ST6GALNAC5: variants seen among roughly 807,000 people sequenced by gnomAD.
ST6GALNAC5 encodes the protein alpha-N-acetylgalactosaminide alpha-2,6-sialyltransferase 5.
A neutral mutation model predicts 33.6 loss-of-function variants in ST6GALNAC5; 27 were observed. The observed-to-expected ratio is 0.80, with a 90% CI of 0.59 to 1.11. The LOEUF is 1.11. Ranked by LOEUF, ST6GALNAC5 falls within the 50% of genes least tolerant of loss-of-function variation. The pLI is 0.00. For synonymous variants in ST6GALNAC5, 194 were observed against 171.2 expected (o/e 1.13, Z -1.04); for missense variants, 428 against 454.0 (o/e 0.94, Z 0.52).
chr1:76,993,909 G>C (rs1649828406), intron 2 of ST6GALNAC5, among the ~76,000 whole-genome samples: 1 of 151,054 alleles, frequency 6.6e-6, no homozygotes. Context: ...AACTTTGGTT[G>C]AAAAGGAAAA....
chr1:76,883,799 A>G (rs1653836848), intron 2 of ST6GALNAC5, among the ~76,000 whole-genome samples: 1 of 152,200 alleles, frequency 6.6e-6, no homozygotes, highest in Non-Finnish European at 1.5e-5. Context: ...TTTCTACCAT[A>G]TGCCTAGCAT....
At chr1:77,001,868 G>A (rs1197786775) in intron 2 of ST6GALNAC5, among the ~76,000 whole-genome samples, 1 of 151,830 alleles carries the variant, frequency 6.6e-6, no homozygotes, top group African/African-American at 2.4e-5. Context: ...TAAGCTTTTT[G>A]ATGTGCTGCT....
At chr1:76,891,611 G>T (rs971815461) in intron 2 of ST6GALNAC5, among the ~76,000 whole-genome samples, 1 of 151,866 alleles carries the variant, frequency 6.6e-6, no homozygotes, top group African/African-American at 2.4e-5. Flanking sequence ...ATCTATTTTT[G>T]TCTCACTTAT....
At chr1:76,914,027 C>G (rs1437130445) in intron 2 of ST6GALNAC5, among the ~76,000 whole-genome samples, 3 of 152,162 alleles carry the variant, frequency 2.0e-5, no homozygotes, top group Admixed American at 6.5e-5. Context: ...ACAAAAATCA[C>G]AAGCATTCTT....
chr1:77,038,650 T>C (rs1387147005), intron 2 of ST6GALNAC5, among the ~76,000 whole-genome samples: 3 of 152,212 alleles, frequency 2.0e-5, no homozygotes, highest in Non-Finnish European at 4.4e-5. Context: ...GCCTGGCCTA[T>C]TCTCTTAAGG....
chr1:77,055,905 C>T (rs1269707747), intron 4 of ST6GALNAC5, among the ~76,000 whole-genome samples: 1 of 152,202 alleles, frequency 6.6e-6, no homozygotes, highest in Admixed American at 6.5e-5. Flanking sequence ...TAAGCCCTGT[C>T]CATGGGGGTG....
chr1:77,007,443 A>C (rs1437916558), intron 2 of ST6GALNAC5, among the ~76,000 whole-genome samples: 1 of 152,346 alleles, frequency 6.6e-6, no homozygotes, highest in South Asian at 2.1e-4. Flanking sequence ...TTGACAAAAT[A>C]GTCCAAGTTC....
intron 2 of ST6GALNAC5, among the ~76,000 whole-genome samples, chr1:76,902,753 G>A (rs937259281): frequency 2.0e-5 from 3 of 152,164 alleles, no homozygotes; most frequent in African/African-American, 4.8e-5. Flanking sequence ...TTGGTCACCC[G>A]AATTTAACAA....
chr1:76,925,626 G>A (rs1401058302), intron 2 of ST6GALNAC5, among the ~76,000 whole-genome samples: 1 of 152,008 alleles, frequency 6.6e-6, no homozygotes, highest in African/African-American at 2.4e-5. Context: ...GCGATAAGAA[G>A]ATATGTGTGT....
rs868845736 is a variant in ST6GALNAC5 at position 77,063,172 on chromosome 1, C to G, written c.977C>G (p.Ala326Gly). The G allele has an allele frequency of 6.2e-7, 1 of 1,613,644 alleles. No individual in the cohort carries two copies. Among genetic ancestry groups the G allele is most frequent in the South Asian group, 1.1e-5 (1 of 91,052 alleles). The part of the protein sequence containing the change: ...FQPDWKPESL[A>G]INHPENKPVF ...CCAGACTGGAAACCAGAATCACTTGCTATAAATCATCCTGAGAATAAACCT... is the reference window on the plus strand; with the variant it reads ...CCAGACTGGAAACCAGAATCACTTGGTATAAATCATCCTGAGAATAAACCT... Residue 326 changes from alanine to glycine, a missense_variant, in exon 5 of 5, where the codon GCT (alanine) becomes GGT (glycine). Coordinates refer to ENST00000477717, the MANE Select transcript of ST6GALNAC5 (RefSeq NM_030965.3).
At chr1:77,024,997 T>G (rs1651180732) in intron 2 of ST6GALNAC5, among the ~76,000 whole-genome samples, 1 of 152,154 alleles carries the variant, frequency 6.6e-6, no homozygotes, top group South Asian at 2.1e-4. Flanking sequence ...CGCTCCAGGC[T>G]CTCTCTCTGT....
chr1:77,045,744 C>A (rs1052041312), intron 3 of ST6GALNAC5, among the ~76,000 whole-genome samples: 1 of 152,072 alleles, frequency 6.6e-6, no homozygotes, highest in Non-Finnish European at 1.5e-5. Flanking sequence ...TGGAGAAAAG[C>A]CCCCTGTGGC....
chr1:76,976,638 A>G (rs1005532609), intron 2 of ST6GALNAC5, among the ~76,000 whole-genome samples: 9 of 152,172 alleles, frequency 5.9e-5, no homozygotes, highest in African/African-American at 2.2e-4. Context: ...TTGATAAATT[A>G]TGTTTTCTTA....
chr1:77,043,371 T>A (rs1366925266), intron 2 of ST6GALNAC5, among the ~76,000 whole-genome samples: 1 of 152,170 alleles, frequency 6.6e-6, no homozygotes. Flanking sequence ...GCCATTGGAG[T>A]TGTCTTTGGT....
Position 77,050,328 on chromosome 1 carries a change from A to T in ST6GALNAC5, c.742A>T (p.Ile248Phe). The T allele has an allele frequency of 1.2e-6, 2 of 1,614,108 alleles. No individual in the cohort carries two copies. Among genetic ancestry groups the T allele is most frequent in the Non-Finnish European group, 1.7e-6 (2 of 1,179,948 alleles). Residue 248 changes from isoleucine to phenylalanine, a missense_variant, in exon 4 of 5, where the codon ATC (isoleucine) becomes TTC (phenylalanine). Transcript: ENST00000477717. ...AATTGCACTGGAGCTCTGTGACAGG[A>T]TCAATGTTTATGGCATGGTGCCCCC... Reference protein sequence around the residue: ...MTIALELCDRINVYGMVPPDF... With the variant: ...MTIALELCDRFNVYGMVPPDF...
chr1:76,969,443 A>T (rs1259130191), intron 2 of ST6GALNAC5, among the ~76,000 whole-genome samples: 2 of 152,174 alleles, frequency 1.3e-5, no homozygotes, highest in African/African-American at 2.4e-5. Context: ...GCAGTCTGAG[A>T]TCAACCTGCA....
intron 3 of ST6GALNAC5, among the ~76,000 whole-genome samples, chr1:77,049,992 T>C (rs1335354821): frequency 6.6e-6 from 1 of 152,226 alleles, no homozygotes; most frequent in Non-Finnish European, 1.5e-5. Context: ...ACACTGATCA[T>C]CATCTTTGAT....
intron 2 of ST6GALNAC5, among the ~76,000 whole-genome samples, chr1:77,009,652 T>C (rs1436198781): frequency 6.6e-6 from 1 of 152,154 alleles, no homozygotes; most frequent in Non-Finnish European, 1.5e-5. Context: ...ATCTGCCTTC[T>C]TGGATTTATT....
chr1:76,890,685 A>G (rs989527074), intron 2 of ST6GALNAC5, among the ~76,000 whole-genome samples: 3 of 152,118 alleles, frequency 2.0e-5, no homozygotes, highest in Non-Finnish European at 4.4e-5. Flanking sequence ...TATCAATTAC[A>G]AATTTTAAAA....
Sources: gnomAD v4.1 joint callset for allele counts (sites outside exome capture counted in the v4.1 genomes callset) on GRCh38, gnomAD v4.1.1 for gene constraint, MANE v1.5 for transcripts, NCBI Gene and HGNC (gene_info 2026-07-23, HGNC 2026-07-21) for gene names.